RAB11FIP3: variants seen among roughly 807,000 people sequenced by gnomAD.
The protein encoded by RAB11FIP3 is rab11 family-interacting protein 3.
RAB11FIP3 carries 17 observed loss-of-function variants against 77.8 expected under a neutral mutation model. That is an observed-to-expected ratio of 0.22 (90% CI 0.15 to 0.33). The LOEUF is 0.33. Ranked by LOEUF, RAB11FIP3 falls within the 10% of genes least tolerant of loss-of-function variation. The pLI, the probability that RAB11FIP3 is intolerant of heterozygous loss-of-function variation, is 1.00. For synonymous variants in RAB11FIP3, 437 were observed against 448.2 expected (o/e 0.98, Z 0.31); for missense variants, 1,005 against 1,011.2 (o/e 0.99, Z 0.08).
rs1480457270 is a variant in RAB11FIP3 at position 520,456 on chromosome 16, C to T, written c.2017-3C>T. The T allele has an allele frequency of 6.2e-7, 1 of 1,613,124 alleles. No individual in the cohort carries two copies. The highest frequency in any genetic ancestry group is 1.3e-5 in the African/African-American group (1 of 74,910). On this transcript the variant is annotated splice_region_variant and splice_polypyrimidine_tract_variant and intron_variant, in intron 12 of 13. Coordinates refer to ENST00000262305, the MANE Select transcript of RAB11FIP3 (RefSeq NM_014700.4). ...CCCAGTAGTGATGTTGCTGTGCCTT[C>T]AGGACAACCGCAACCTGAAGGAGCA... is the stretch of plus-strand genomic sequence containing the variant.
chr16:430,342 T>A (rs187836248), intron 1 of RAB11FIP3, among the ~76,000 whole-genome samples: 3 of 152,312 alleles, frequency 2.0e-5, no homozygotes, highest in Admixed American at 1.3e-4. Context: ...ATTTACATGT[T>A]ATTTTTACAG....
At position 426,579 on chromosome 16, in the gene RAB11FIP3, C is replaced by G; in HGVS notation, c.573C>G (p.His191Gln). Reference protein sequence around the residue: ...PPQPSDLSQTHPLPSEPVGSQ... With the variant: ...PPQPSDLSQTQPLPSEPVGSQ... Reference sequence around the variant, plus strand: ...AGCCCTCGGACCTCAGCCAGACCCACCCCCTTCCGAGCGAGCCCGTGGGGA... The same window carrying G: ...AGCCCTCGGACCTCAGCCAGACCCAGCCCCTTCCGAGCGAGCCCGTGGGGA... The change falls in exon 1 of 14, where the codon CAC becomes CAG. Residue 191 changes from histidine (H) to glutamine (Q), a missense_variant. This residue lies in a region of RAB11FIP3 where 466 missense variants were observed against 408.3 expected (regional missense o/e 1.14). Transcript: ENST00000262305. The surrounding 1 kb of genome is among the most constrained non-coding windows in gnomAD (Gnocchi z 5.0). 6 of 1,597,092 alleles carry G rather than the reference C, an allele frequency of 3.8e-6. No homozygotes were observed. Among genetic ancestry groups the G allele is most frequent in the Non-Finnish European group, 5.1e-6 (6 of 1,173,270 alleles).
At chr16:460,748 A>C (rs1212026855) in intron 1 of RAB11FIP3, among the ~76,000 whole-genome samples, 1 of 152,094 alleles carries the variant, frequency 6.6e-6, no homozygotes, top group African/African-American at 2.4e-5. Context: ...CCGGAACAAT[A>C]CCTAAAACTT....
intron 3 of RAB11FIP3, among the ~76,000 whole-genome samples, chr16:476,759 A>G (rs1180650307): frequency 8.1e-5 from 12 of 148,344 alleles, no homozygotes; most frequent in Admixed American, 6.0e-4. Context: ...CCTGGGCGAC[A>G]GAGCAAGACT....
intron 4 of RAB11FIP3, among the ~76,000 whole-genome samples, chr16:486,924 G>C (rs1012826130): frequency 6.6e-6 from 1 of 152,308 alleles, no homozygotes; most frequent in African/African-American, 2.4e-5. Context: ...CAGTATCTGA[G>C]CCTGTTGGTA....
chr16:496,762 C>T, intron 5 of RAB11FIP3, 62 bp from the exon 6 acceptor site: 3 of 1,503,486 alleles, frequency 2.0e-6, no homozygotes, highest in Non-Finnish European at 2.8e-6. Context: ...GAGTTTCCTG[C>T]TTCCTCCTGC....
chr16:475,280 C>T (rs545307382), intron 3 of RAB11FIP3, among the ~76,000 whole-genome samples: 45 of 152,330 alleles, frequency 3.0e-4, no homozygotes, highest in African/African-American at 1.1e-3. Context: ...GTGAATGTAA[C>T]GTTTCAACAT....
At chr16:491,445 T>C (rs1335717049) in intron 5 of RAB11FIP3, among the ~76,000 whole-genome samples, 1 of 150,062 alleles carries the variant, frequency 6.7e-6, no homozygotes, top group South Asian at 2.1e-4. Flanking sequence ...CCCTGCCTCC[T>C]CCCCTGCATG....
intron 2 of RAB11FIP3, among the ~76,000 whole-genome samples, chr16:462,687 TTCCCCAG>T (rs1256806708): frequency 6.9e-6 from 1 of 144,958 alleles, no homozygotes; most frequent in East Asian, 2.0e-4. Context: ...GCACCGTCCC[TTCCCCAG>T]TCCCCCGGCA....
At chr16:495,653 G>T (rs2031059489) in intron 5 of RAB11FIP3, among the ~76,000 whole-genome samples, 1 of 152,220 alleles carries the variant, frequency 6.6e-6, no homozygotes, top group African/African-American at 2.4e-5. Flanking sequence ...CCTGCTAAGG[G>T]CCCAGCTCTG....
intron 2 of RAB11FIP3, among the ~76,000 whole-genome samples, chr16:469,166 G>A (rs916993476): frequency 4.0e-5 from 6 of 151,868 alleles, no homozygotes; most frequent in African/African-American, 1.2e-4. Flanking sequence ...CCCGGGTCCC[G>A]GTTCAAGCTA....
intron 1 of RAB11FIP3, among the ~76,000 whole-genome samples, chr16:446,185 A>C (rs1204785843): frequency 6.6e-6 from 1 of 152,106 alleles, no homozygotes; most frequent in Non-Finnish European, 1.5e-5. Context: ...TTGAAGCTGC[A>C]GTGAGCCATG....
intron 1 of RAB11FIP3, among the ~76,000 whole-genome samples, chr16:460,125 C>G (rs1285405347): frequency 6.6e-6 from 1 of 152,122 alleles, no homozygotes; most frequent in African/African-American, 2.4e-5. Flanking sequence ...GATCCACTCA[C>G]CTCGGTTTCT....
intron 5 of RAB11FIP3, among the ~76,000 whole-genome samples, chr16:490,392 G>T (rs888472251): frequency 6.6e-6 from 1 of 152,198 alleles, no homozygotes; most frequent in African/African-American, 2.4e-5. Flanking sequence ...TTTGAGACAG[G>T]ATCTCACTTT....
At chr16:432,327 A>C (rs1319457867) in intron 1 of RAB11FIP3, among the ~76,000 whole-genome samples, 1 of 152,066 alleles carries the variant, frequency 6.6e-6, no homozygotes, top group Non-Finnish European at 1.5e-5. Flanking sequence ...CAGTGAGCTG[A>C]GATCTTGCCA....
At chr16:513,084 G>A (rs1361666538) in intron 9 of RAB11FIP3, among the ~76,000 whole-genome samples, 1 of 152,168 alleles carries the variant, frequency 6.6e-6, no homozygotes, top group Non-Finnish European at 1.5e-5. Flanking sequence ...TGCAAGGGAC[G>A]GTTATTGATT....
At chr16:455,933 T>G (rs1369296028) in intron 1 of RAB11FIP3, among the ~76,000 whole-genome samples, 1 of 152,196 alleles carries the variant, frequency 6.6e-6, no homozygotes, top group Non-Finnish European at 1.5e-5. Flanking sequence ...CTCAAATATT[T>G]TATTGAACAT....
rs1167164639 is a variant in RAB11FIP3 at position 471,288 on chromosome 16, C to T, written c.809-7C>T. 2.5e-6 allele frequency: 4 copies of T among 1,612,290 alleles called. No homozygotes were observed. Among genetic ancestry groups the T allele is most frequent in the Non-Finnish European group, 2.5e-6 (3 of 1,178,714 alleles). On this transcript the variant is annotated splice_polypyrimidine_tract_variant and splice_region_variant and intron_variant, in intron 2 of 13. Transcript: ENST00000262305. This position sits in a 1 kb window ranked among gnomAD's most constrained non-coding sequence, Gnocchi z 4.4. ...GGCCTGTTGAGCACGAGGTCTTCTC[C>T]CTGCAGATCCTGATGGCCAGTGCTA...
chr16:440,957 T>C (rs1050314281), intron 1 of RAB11FIP3, among the ~76,000 whole-genome samples: 2 of 151,840 alleles, frequency 1.3e-5, no homozygotes, highest in Non-Finnish European at 2.9e-5. Context: ...TTTTTTTTTA[T>C]TGAGACGGAG....
Sources: gnomAD v4.1 joint callset for allele counts (sites outside exome capture counted in the v4.1 genomes callset) on GRCh38, gnomAD v4.1.1 for gene constraint, gnomAD v4.1.1 regional missense constraint, Gnocchi (gnomAD v3.1) non-coding constraint, MANE v1.5 for transcripts, NCBI Gene and HGNC (gene_info 2026-07-23, HGNC 2026-07-21) for gene names.